Variants in TRAPPC9 observed in about 807,000 individuals in gnomAD.
TRAPPC9 encodes trafficking protein particle complex subunit 9.
Under a neutral mutation model 124.0 loss-of-function variants are expected in TRAPPC9, and 83 were observed. The observed-to-expected ratio is 0.67, with a 90% CI of 0.56 to 0.80. The LOEUF (loss-of-function observed/expected upper bound fraction) is 0.80. Ranked by LOEUF, TRAPPC9 falls within the 30% of genes least tolerant of loss-of-function variation. The probability of loss-of-function intolerance (pLI) is 0.00; values close to 1 mark genes in which losing one functional copy is unlikely to be tolerated. For synonymous variants in TRAPPC9, 638 were observed against 617.5 expected (o/e 1.03, Z -0.49); for missense variants, 1,302 against 1,508.3 (o/e 0.86, Z 2.27).
intron 11 of TRAPPC9, 174 bp from the exon 12 acceptor site, chr8:140,291,252 A>T (rs757505924): frequency 1.3e-5 from 9 of 684,718 alleles, no homozygotes; most frequent in Admixed American, 6.3e-5. Flanking sequence ...TCTCTGAAAC[A>T]AAGCAAGGTA....
At chr8:140,116,952 C>T (rs1464533853) in intron 17 of TRAPPC9, among the ~76,000 whole-genome samples, 15 of 151,546 alleles carry the variant, frequency 9.9e-5, no homozygotes, top group Non-Finnish European at 2.2e-4. Context: ...AGTGAGTAGG[C>T]GGAGTTCAGG....
intron 18 of TRAPPC9, among the ~76,000 whole-genome samples, chr8:140,000,465 A>G (rs1587459755): frequency 6.6e-6 from 1 of 152,208 alleles, no homozygotes; most frequent in Admixed American, 6.5e-5. Flanking sequence ...ATGGGAGAAA[A>G]TTTTTGCAAT....
intron 20 of TRAPPC9, among the ~76,000 whole-genome samples, chr8:139,893,024 G>A (rs183640663): frequency 1.3e-5 from 2 of 152,178 alleles, no homozygotes; most frequent in African/African-American, 4.8e-5. Flanking sequence ...AAGATAGAGG[G>A]GAAGGCTTTC....
intron 7 of TRAPPC9, among the ~76,000 whole-genome samples, chr8:140,374,224 C>T (rs896335161): frequency 6.6e-6 from 1 of 152,174 alleles, no homozygotes; most frequent in East Asian, 1.9e-4. Context: ...AACAGAAGCC[C>T]CAGTGCTGGA....
In TRAPPC9 at chr8:140,287,665, G is replaced by A. The variant is rs1335972942; in HGVS notation, c.1924C>T (p.Leu642=). ...AALSLPAESG[L]YPVTLVGVPQ... is the part of the protein sequence containing the mutation. ...ACCCCGACGAGCGTCACTGGGTACA[G>A]ACCAGATTCAGCCGGAAGAGAAAGC... is the stretch of plus-strand genomic sequence containing the variant. The change falls in exon 13 of 23, where the codon CTG becomes TTG. Residue 642 remains leucine, a synonymous_variant. Coordinates refer to ENST00000438773, the MANE Select transcript of TRAPPC9 (RefSeq NM_001160372.4). 2 of 1,614,206 alleles carry A rather than the reference G, an allele frequency of 1.2e-6. No homozygotes were observed. Among genetic ancestry groups the A allele is most frequent in the East Asian group, 2.2e-5 (1 of 44,878 alleles).
intron 17 of TRAPPC9, among the ~76,000 whole-genome samples, chr8:140,073,274 C>A (rs1843294986): frequency 6.6e-6 from 1 of 152,140 alleles, no homozygotes. Flanking sequence ...ATGTTCATAA[C>A]AGCTTTATTC....
At chr8:139,787,866 T>C (rs1302469722) in intron 21 of TRAPPC9, among the ~76,000 whole-genome samples, 3 of 152,078 alleles carry the variant, frequency 2.0e-5, no homozygotes, top group African/African-American at 7.2e-5. Flanking sequence ...CCTCCAGATG[T>C]GTCCTGGGTG....
chr8:140,002,275 A>G (rs1197432612), intron 18 of TRAPPC9, among the ~76,000 whole-genome samples: 1 of 152,104 alleles, frequency 6.6e-6, no homozygotes, highest in Admixed American at 6.5e-5. Flanking sequence ...CTTAATCTTT[A>G]AAAAATATGG....
intron 19 of TRAPPC9, among the ~76,000 whole-genome samples, chr8:139,910,624 T>C (rs1245983342): frequency 6.6e-6 from 1 of 152,188 alleles, no homozygotes; most frequent in African/African-American, 2.4e-5. Flanking sequence ...GTGAGCTGGA[T>C]GGCGACTTAA....
intron 21 of TRAPPC9, among the ~76,000 whole-genome samples, chr8:139,842,710 C>A (rs7830932): frequency 0.33 from 49,301 of 151,556 alleles, 8,288 homozygotes; most frequent in East Asian, 0.52. Context: ...TGTCCCTCCA[C>A]CGCCCTGTCC....
In TRAPPC9 at chr8:140,150,822, C is replaced by CCG. The variant is rs1269184801; in HGVS notation, c.2556+70636_2556+70637insCG. 5.3e-5 allele frequency among the ~76,000 whole-genome samples: 8 copies of CCG among 151,444 alleles called. No individual in the cohort carries two copies. The South Asian group carries it at 1.7e-3, about 32-fold the overall frequency. On this transcript the variant is annotated intron_variant, in intron 17 of 22. Transcript: ENST00000438773. ...CAACGCAGCCTCCAGGCTCGGCCAC[C>CCG]CCTCTGTCACCGTGTCTTGCAGCTT... is the stretch of plus-strand genomic sequence containing the variant.
chr8:140,154,966 T>C (rs572579671), intron 17 of TRAPPC9, among the ~76,000 whole-genome samples: 2 of 152,318 alleles, frequency 1.3e-5, no homozygotes, highest in South Asian at 2.1e-4. Flanking sequence ...TAGCATACCA[T>C]GTAGGGCATC....
At chr8:140,230,588 G>A (rs1028294602) in intron 16 of TRAPPC9, among the ~76,000 whole-genome samples, 3 of 151,706 alleles carry the variant, frequency 2.0e-5, no homozygotes, top group Non-Finnish European at 4.4e-5. Context: ...CTCCAGTCTG[G>A]ACGACAGAGT....
intron 21 of TRAPPC9, among the ~76,000 whole-genome samples, chr8:139,870,631 T>C (rs753255756): frequency 1.3e-5 from 2 of 152,120 alleles, no homozygotes; most frequent in Non-Finnish European, 2.9e-5. Context: ...AGATCTACCA[T>C]TAAGTGAAAA....
intron 13 of TRAPPC9, among the ~76,000 whole-genome samples, chr8:140,285,274 C>A (rs1272570197): frequency 6.6e-6 from 1 of 152,178 alleles, no homozygotes. Flanking sequence ...TGAATCAAGC[C>A]CTTCACTCCT....
intron 20 of TRAPPC9, among the ~76,000 whole-genome samples, chr8:139,895,422 T>C (rs1403193658): frequency 1.3e-5 from 2 of 152,238 alleles, no homozygotes; most frequent in Admixed American, 1.3e-4. Flanking sequence ...CATGTACTTA[T>C]TATTTCAGAA....
chr8:139,817,651 T>A (rs980770696), intron 21 of TRAPPC9, among the ~76,000 whole-genome samples: 1 of 152,248 alleles, frequency 6.6e-6, no homozygotes, highest in East Asian at 1.9e-4. Context: ...CTTGGGCCCA[T>A]GGCTGCTGCT....
At chr8:139,813,012 C>T (rs775975168) in intron 21 of TRAPPC9, among the ~76,000 whole-genome samples, 8 of 152,224 alleles carry the variant, frequency 5.3e-5, no homozygotes, top group Non-Finnish European at 8.8e-5. Flanking sequence ...TGGGTGTGAC[C>T]GGCCCACTTC....
intron 21 of TRAPPC9, among the ~76,000 whole-genome samples, chr8:139,870,110 C>T (rs1417249241): frequency 1.3e-5 from 2 of 152,038 alleles, no homozygotes; most frequent in African/African-American, 2.4e-5. Flanking sequence ...CCTGGGTACA[C>T]GGACAGAAGA....
Sources: allele counts gnomAD v4.1 joint callset (sites outside exome capture counted in the v4.1 genomes callset), GRCh38; gene constraint gnomAD v4.1.1; transcripts MANE v1.5; gene names NCBI Gene and HGNC (gene_info 2026-07-23, HGNC 2026-07-21).